CCDC171: variants seen among roughly 807,000 people sequenced by gnomAD.
CCDC171 encodes the protein coiled-coil domain containing 171, also known as coiled-coil domain-containing protein 171.
CCDC171 carries 177 observed loss-of-function variants against 168.2 expected under a neutral mutation model. The observed-to-expected ratio is 1.05, with a 90% CI of 0.93 to 1.19. The LOEUF (loss-of-function observed/expected upper bound fraction) is 1.19, where lower values mean the gene tolerates loss of function less well. CCDC171 is among the 50% of genes most tolerant of loss of function. The probability of loss-of-function intolerance (pLI) is 0.00; values close to 1 mark genes in which losing one functional copy is unlikely to be tolerated. For missense variants in CCDC171, 1,991 were observed against 1,539.0 expected, an observed-to-expected ratio of 1.29 and a Z score of -4.91; for synonymous variants, 687 against 540.8, an observed-to-expected ratio of 1.27 and a Z score of -3.75.
At chr9:15,938,878 A>G (rs912848441) in intron 25 of CCDC171, among the ~76,000 whole-genome samples, 2 of 151,842 alleles carry the variant, frequency 1.3e-5, no homozygotes, top group African/African-American at 4.8e-5. Flanking sequence ...TAAAAATATG[A>G]ATTTGTTTGA....
intron 7 of CCDC171, among the ~76,000 whole-genome samples, chr9:15,652,774 A>G (rs2047628593): frequency 6.6e-6 from 1 of 152,170 alleles, no homozygotes; most frequent in Non-Finnish European, 1.5e-5. Flanking sequence ...TTTTGCAATT[A>G]TGACATATGT....
chr9:15,571,716 C>T lies in CCDC171; in HGVS notation c.134C>T (p.Ala45Val). The stretch of plus-strand genomic sequence containing the variant: ...AATCTCAGGAAGAAACTCCATTGGG[C>T]TAAAAAAGAAAAGTTAGAAATAACA... ...TDNLRKKLHW[A>V]KKEKLEITTK... Residue 45 changes from alanine (A) to valine (V), a missense_variant, in exon 3 of 26, where the codon GCT becomes GTT. Transcript: ENST00000380701. 1 of 1,588,416 alleles carries T rather than the reference C, an allele frequency of 6.3e-7. No individual in the cohort carries two copies. Among genetic ancestry groups the T allele is most frequent in the Non-Finnish European group, 8.5e-7 (1 of 1,173,152 alleles).
intron 16 of CCDC171, among the ~76,000 whole-genome samples, chr9:15,742,651 T>C (rs567517547): frequency 3.3e-5 from 5 of 152,218 alleles, no homozygotes; most frequent in Admixed American, 6.5e-5. Flanking sequence ...TTCTGGGACA[T>C]AGTCCCATTG....
chr9:15,685,954 G>A (rs1283407687), intron 10 of CCDC171, among the ~76,000 whole-genome samples: 1 of 152,084 alleles, frequency 6.6e-6, no homozygotes, highest in African/African-American at 2.4e-5. Context: ...CCTGATGAGT[G>A]AGTAAATCTC....
intron 2 of CCDC171, among the ~76,000 whole-genome samples, chr9:15,565,058 C>G (rs1040371379): frequency 6.7e-6 from 1 of 149,434 alleles, no homozygotes; most frequent in East Asian, 2.0e-4. Context: ...TTGTTTTCCA[C>G]TTAGCTTTTG....
intron 23 of CCDC171, among the ~76,000 whole-genome samples, chr9:15,861,270 A>G (rs1014305225): frequency 6.7e-6 from 1 of 149,518 alleles, no homozygotes; most frequent in Non-Finnish European, 1.5e-5. Flanking sequence ...TGGAAGTTAT[A>G]TCTATTTATT....
Position 15,579,026 on chromosome 9 carries a change from A to G in CCDC171, c.352+3A>G, listed in dbSNP as rs1281665021. ...TAGGATCCAAGAAAAACTCTGTGGT[A>G]AGACTGTTTCTATTTCTTCCCAAGT... is the stretch of plus-strand genomic sequence containing the variant. On this transcript the variant is annotated splice_donor_region_variant and intron_variant, in intron 4 of 25. Transcript: ENST00000380701. The G allele has an allele frequency of 6.2e-7, 1 of 1,612,018 alleles. No individual in the cohort carries two copies. Among genetic ancestry groups the G allele is most frequent in the African/African-American group, 1.3e-5 (1 of 74,906 alleles).
At chr9:15,762,311 C>A (rs1397730946) in intron 18 of CCDC171, among the ~76,000 whole-genome samples, 1 of 151,810 alleles carries the variant, frequency 6.6e-6, no homozygotes, top group African/African-American at 2.4e-5. Flanking sequence ...AAAATTTTTA[C>A]CTCCTTTTCC....
intron 24 of CCDC171, among the ~76,000 whole-genome samples, chr9:15,896,395 G>A (rs1773062): frequency 0.86 from 130,363 of 152,042 alleles, 55,943 homozygotes; most frequent in East Asian, 0.96. Flanking sequence ...CATACCTGAA[G>A]AGCTATTATA....
intron 6 of CCDC171, among the ~76,000 whole-genome samples, chr9:16,027,539 A>G (rs1206260211): frequency 6.6e-6 from 1 of 152,248 alleles, no homozygotes; most frequent in Non-Finnish European, 1.5e-5. Context: ...AAGAGAGTTA[A>G]GCAAATGTTT....
At chr9:15,710,721 G>A (rs1020859945) in intron 11 of CCDC171, among the ~76,000 whole-genome samples, 14 of 151,940 alleles carry the variant, frequency 9.2e-5, no homozygotes, top group Non-Finnish European at 1.9e-4. Flanking sequence ...TCATCCTCCC[G>A]CGTACCTGAG....
chr9:15,958,429 A>G (rs1830017089), intron 25 of CCDC171, among the ~76,000 whole-genome samples: 1 of 151,620 alleles, frequency 6.6e-6, no homozygotes, highest in African/African-American at 2.4e-5. Flanking sequence ...TACCATATTG[A>G]ATAGTGCAGG....
chr9:16,092,754 G>C, the CCDC171 span, among the ~76,000 whole-genome samples: 1 of 152,196 alleles, frequency 6.6e-6, no homozygotes, highest in Admixed American at 6.5e-5. Context: ...CCTTTGGCAA[G>C]ATTCACCCTA....
chr9:15,806,484 C>T (rs146882073), intron 21 of CCDC171, among the ~76,000 whole-genome samples: 18 of 152,200 alleles, frequency 1.2e-4, no homozygotes, highest in East Asian at 9.6e-4. Flanking sequence ...ATTTCTCCTT[C>T]GCTTATGAAG....
At chr9:15,722,853 G>A (rs1021690284) in intron 12 of CCDC171, among the ~76,000 whole-genome samples, 2 of 152,104 alleles carry the variant, frequency 1.3e-5, no homozygotes, top group African/African-American at 2.4e-5. Flanking sequence ...CAAATATTAC[G>A]AAGTCTTTCC....
In CCDC171 at chr9:15,744,366, A is replaced by G. The variant is rs1301256523; in HGVS notation, c.2143A>G (p.Lys715Glu). The change falls in exon 17 of 26, where the codon AAA (lysine) becomes GAA (glutamate). Residue 715 changes from lysine (K) to glutamate (E), a missense_variant. Physicochemically the swap from Lys to Glu is moderately conservative, Grantham distance 56. Coordinates refer to ENST00000380701, the MANE Select transcript of CCDC171 (RefSeq NM_173550.4). ...GGTTCTTGAAAATTCGCACTTCAAA[A>G]AACTGTTATCACAGACTCAAAGGGA... is the stretch of plus-strand genomic sequence containing the variant. ...QLVLENSHFK[K>E]LLSQTQREQM... The G allele has an allele frequency of 6.2e-7, 1 of 1,614,172 alleles. No individual in the cohort carries two copies.
At chr9:15,574,936 A>G (rs181740182) in intron 3 of CCDC171, among the ~76,000 whole-genome samples, 2 of 152,314 alleles carry the variant, frequency 1.3e-5, no homozygotes, top group African/African-American at 2.4e-5. Flanking sequence ...TTATAGACTC[A>G]TACGTTCCAG....
chr9:15,563,478 A>T (rs2039480278), intron 1 of CCDC171, among the ~76,000 whole-genome samples: 1 of 152,186 alleles, frequency 6.6e-6, no homozygotes, highest in African/African-American at 2.4e-5. Context: ...CTTGGTAGAA[A>T]AATGGGATAA....
chr9:15,973,968 G>C lies in CCDC171; in HGVS notation c.*2132G>C, dbSNP rs935598106. 4 of 152,078 alleles carry C rather than the reference G, an allele frequency of 2.6e-5. No individual in the cohort carries two copies. Among genetic ancestry groups the C allele is most frequent in the African/African-American group, 9.7e-5 (4 of 41,414 alleles). The allele number at this position is 152,078 out of a possible 1,614,324, so 9.4% of individuals were successfully genotyped here. On this transcript the variant is annotated 3_prime_UTR_variant, in exon 26 of 26. Transcript: ENST00000380701. ...TAAAATGTGCCTTGGAAAGGCCTTG[G>C]TCTTCTTGCCTTGATTTTATAATCT...
Sources: gnomAD v4.1 joint callset for allele counts (sites outside exome capture counted in the v4.1 genomes callset) on GRCh38, gnomAD v4.1.1 for gene constraint, MANE v1.5 for transcripts, NCBI Gene and HGNC (gene_info 2026-07-23, HGNC 2026-07-21) for gene names.